LCOR: variants seen among roughly 807,000 people sequenced by gnomAD.
LCOR encodes ligand-dependent corepressor.
Under a neutral mutation model 64.4 loss-of-function variants are expected in LCOR, and 14 were observed. That is an observed-to-expected ratio of 0.22 (90% CI 0.14 to 0.34). The LOEUF (loss-of-function observed/expected upper bound fraction) is 0.34. Ranked by LOEUF, LCOR falls within the 10% of genes least tolerant of loss-of-function variation. The pLI is 1.00. For missense variants in LCOR, 1,686 were observed against 1,765.3 expected, an observed-to-expected ratio of 0.96 and a Z score of 0.80; for synonymous variants, 643 against 642.5, an observed-to-expected ratio of 1.00 and a Z score of -0.01.
chr10:96,886,177 T>A (rs1036608071), intron 2 of LCOR, among the ~76,000 whole-genome samples: 1 of 152,180 alleles, frequency 6.6e-6, no homozygotes, highest in Non-Finnish European at 1.5e-5. Flanking sequence ...CGTACCTGGC[T>A]AAAGACTTTG....
intron 2 of LCOR, among the ~76,000 whole-genome samples, chr10:96,869,653 C>T (rs1338523641): frequency 4.0e-5 from 6 of 150,858 alleles, no homozygotes; most frequent in African/African-American, 1.5e-4. Context: ...TTGCTCACTT[C>T]AACCTCAGCC....
At chr10:96,941,372 G>A (rs1267395287) in intron 4 of LCOR, among the ~76,000 whole-genome samples, 3 of 139,066 alleles carry the variant, frequency 2.2e-5, no homozygotes, top group East Asian at 2.2e-4. Context: ...GGGCAGAGGC[G>A]CCCCTCACCT....
intron 4 of LCOR, among the ~76,000 whole-genome samples, chr10:96,942,286 A>AC (rs1390782218): frequency 3.3e-5 from 5 of 151,382 alleles, no homozygotes; most frequent in African/African-American, 1.2e-4. Context: ...CCAAAAAAAA[A>AC]ACGAAAACCA....
At chr10:96,954,175 AT>A (rs1182427572) in intron 7 of LCOR, among the ~76,000 whole-genome samples, 3 of 152,168 alleles carry the variant, frequency 2.0e-5, no homozygotes, top group Admixed American at 6.5e-5. Flanking sequence ...ATAAAGAGTA[AT>A]TTCTTTTAAG....
intron 2 of LCOR, among the ~76,000 whole-genome samples, chr10:96,888,978 T>G (rs1846392638): frequency 6.6e-6 from 1 of 152,246 alleles, no homozygotes; most frequent in Admixed American, 6.5e-5. Flanking sequence ...AGTTGTATCT[T>G]CCGTTATTTC....
chr10:96,837,833 G>A (rs749279680), intron 2 of LCOR, among the ~76,000 whole-genome samples: 9 of 152,210 alleles, frequency 5.9e-5, no homozygotes, highest in Non-Finnish European at 1.0e-4. Context: ...GGAAAGCTCA[G>A]TAGAGGGGCT....
chr10:96,913,274 GTTATT>G (rs1240895053), intron 4 of LCOR, among the ~76,000 whole-genome samples: 1 of 152,068 alleles, frequency 6.6e-6, no homozygotes, highest in African/African-American at 2.4e-5. Context: ...GTGTAGCTAT[GTTATT>G]TTATATATCA....
At chr10:96,952,251 G>GGAGACTGGCATCAACCT in intron 7 of LCOR, 55 bp downstream of exon 7, 3 of 1,159,908 alleles carry the variant, frequency 2.6e-6, no homozygotes, top group Non-Finnish European at 3.9e-6. Context: ...TTCATCAAAG[G>GGAGACTGGCATCAACCT]TTGATGCCAG....
chr10:96,843,649 T>C (rs1845579318), intron 2 of LCOR, among the ~76,000 whole-genome samples: 1 of 152,212 alleles, frequency 6.6e-6, no homozygotes, highest in South Asian at 2.1e-4. Flanking sequence ...AAAAGTAGAA[T>C]AGTACAGTGA....
Position 96,903,254 on chromosome 10 carries a change from G to A in LCOR, c.-329-4011G>A, listed in dbSNP as rs567761849. On this transcript the variant is annotated intron_variant, in intron 2 of 7. Transcript: ENST00000421806. ...AGACTTATAAATACTGTACACTTAG[G>A]CTACACTAAATTTACTTAGGAATAA... Among the ~76,000 whole-genome samples the A allele has an allele frequency of 2.0e-5, 3 of 152,206 alleles. No individual in the cohort carries two copies. The East Asian group carries it at 5.8e-4, about 29-fold the overall frequency.
At chr10:96,922,585 G>C (rs964330040) in intron 4 of LCOR, among the ~76,000 whole-genome samples, 7 of 152,170 alleles carry the variant, frequency 4.6e-5, no homozygotes, top group African/African-American at 1.7e-4. Context: ...TTCTGATTGA[G>C]ATTGGGCTGA....
At chr10:96,867,537 C>T (rs1164042398) in intron 2 of LCOR, among the ~76,000 whole-genome samples, 4 of 152,070 alleles carry the variant, frequency 2.6e-5, no homozygotes, top group African/African-American at 9.7e-5. Flanking sequence ...ATTAAGGCTG[C>T]AGTGAGCTGT....
chr10:96,952,290 C>A (rs1419128294), intron 7 of LCOR, 94 bp downstream of exon 7: 5 of 800,180 alleles, frequency 6.2e-6, no homozygotes, highest in Non-Finnish European at 1.0e-5. Context: ...AAAAATAACC[C>A]TTCTAAGTAA....
At chr10:96,948,450 C>G (rs1847623421) in intron 5 of LCOR, among the ~76,000 whole-genome samples, 1 of 152,274 alleles carries the variant, frequency 6.6e-6, no homozygotes, top group South Asian at 2.1e-4. Context: ...GCTGTTTTTG[C>G]AAAGCTGTCA....
intron 2 of LCOR, among the ~76,000 whole-genome samples, chr10:96,906,672 A>T (rs1206858291): frequency 6.6e-6 from 1 of 152,054 alleles, no homozygotes; most frequent in African/African-American, 2.4e-5. Flanking sequence ...TTTTGTATGT[A>T]CAATCAGTGG....
chr10:96,902,143 A>T (rs74349550), intron 2 of LCOR, among the ~76,000 whole-genome samples: 2 of 151,170 alleles, frequency 1.3e-5, no homozygotes, highest in African/African-American at 4.9e-5. Flanking sequence ...AAAAAAAAAA[A>T]TACTATTTCT....
intron 2 of LCOR, among the ~76,000 whole-genome samples, chr10:96,836,194 G>T (rs1470977350): frequency 6.6e-6 from 1 of 152,152 alleles, no homozygotes; most frequent in African/African-American, 2.4e-5. Context: ...GGAAGTATTT[G>T]AACAATGCCA....
Position 96,981,898 on chromosome 10 carries a change from A to G in LCOR, c.1438A>G (p.Thr480Ala), listed in dbSNP as rs1160269548. The G allele has an allele frequency of 1.2e-6, 2 of 1,614,214 alleles. No individual in the cohort carries two copies. Among genetic ancestry groups the G allele is most frequent in the Admixed American group, 3.3e-5 (2 of 60,028 alleles). ...TGTTGTTTATATCAGTCAACCAATA[A>G]CAGAATGCCACTTTGAGAATCAAAA... ...CDVVYISQPI[T>A]ECHFENQKSI... The change falls in exon 8 of 8, where the codon ACA (threonine) becomes GCA (alanine). Residue 480 changes from threonine (T) to alanine (A), a missense_variant. Physicochemically the swap from Thr to Ala is moderately conservative, Grantham distance 58 (BLOSUM62 0). Around this residue, in one of 3 missense-constraint regions of LCOR, gnomAD observed 1,293 missense variants for 1,410.4 expected, o/e 0.92. Transcript: ENST00000421806.
At chr10:96,940,303 A>ATTTT (rs552752409) in intron 4 of LCOR, among the ~76,000 whole-genome samples, 357 of 65,442 alleles carry the variant, frequency 5.5e-3, no homozygotes, top group Middle Eastern at 0.014. Context: ...GGTGGTCATG[A>ATTTT]TTTTTTTTTT....
Sources: allele counts gnomAD v4.1 joint callset (sites outside exome capture counted in the v4.1 genomes callset), GRCh38; gene constraint gnomAD v4.1.1; regional missense constraint gnomAD v4.1.1; transcripts MANE v1.5; gene names NCBI Gene and HGNC (gene_info 2026-07-23, HGNC 2026-07-21).